ABLIM1: variants seen among roughly 807,000 people sequenced by gnomAD.
ABLIM1 encodes the protein actin-binding LIM protein 1.
ABLIM1 carries 40 observed loss-of-function variants against 107.0 expected under a neutral mutation model. That is an observed-to-expected ratio of 0.37 (90% CI 0.29 to 0.49). The LOEUF (loss-of-function observed/expected upper bound fraction) is 0.49. ABLIM1 is among the 20% of genes least tolerant of loss of function. ABLIM1 has a pLI of 0.97. For missense variants in ABLIM1, 857 were observed against 1,008.5 expected (o/e 0.85, Z 2.04); for synonymous variants, 357 against 357.3 (o/e 1.00, Z 0.01).
chr10:114,593,315 C>T (rs992342883), intron 2 of ABLIM1, among the ~76,000 whole-genome samples: 12 of 152,168 alleles, frequency 7.9e-5, no homozygotes, highest in African/African-American at 2.9e-4. Context: ...TTTTACCCTA[C>T]TTGCAAGCTA....
At chr10:114,706,223 G>A (rs1206048705) in intron 1 of ABLIM1, among the ~76,000 whole-genome samples, 2 of 152,144 alleles carry the variant, frequency 1.3e-5, no homozygotes, top group Non-Finnish European at 2.9e-5. Flanking sequence ...GCCAAGTGTT[G>A]GGAAAACTTT....
At chr10:114,696,459 C>G (rs1277659600) in intron 1 of ABLIM1, among the ~76,000 whole-genome samples, 1 of 152,082 alleles carries the variant, frequency 6.6e-6, no homozygotes, top group Non-Finnish European at 1.5e-5. Flanking sequence ...ATAAGGACAC[C>G]ATTTGATATG....
Position 114,747,381 on chromosome 10 carries a change from C to T in ABLIM1, c.-213+20680G>A, listed in dbSNP as rs975530542. Among the ~76,000 whole-genome samples the T allele has an allele frequency of 7.2e-5, 11 of 152,222 alleles. No homozygotes were observed. In the East Asian group the frequency reaches 1.9e-3, roughly 27 times the overall value. The stretch of plus-strand genomic sequence containing the variant: ...AGCCATGGCCAAGCTGTAGGAAGGT[C>T]GTATCTGCTGTGTGTGCCTGTCTCT... On this transcript the variant is annotated intron_variant, in intron 1 of 15. Transcript: ENST00000651092.
At chr10:114,680,275 T>G (rs569589236) in intron 1 of ABLIM1, among the ~76,000 whole-genome samples, 1 of 152,300 alleles carries the variant, frequency 6.6e-6, no homozygotes, top group East Asian at 1.9e-4. Context: ...TATCTCTATT[T>G]TACAGATGTG....
chr10:114,457,787 C>T (rs557415081), intron 12 of ABLIM1, among the ~76,000 whole-genome samples: 12 of 152,196 alleles, frequency 7.9e-5, no homozygotes, highest in African/African-American at 2.4e-4. Context: ...AATAATAGGC[C>T]GGGCATGGGC....
At chr10:114,756,895 G>T (rs932767537) in intron 1 of ABLIM1, among the ~76,000 whole-genome samples, 3 of 152,146 alleles carry the variant, frequency 2.0e-5, no homozygotes, top group African/African-American at 7.2e-5. Context: ...TGGACACGTT[G>T]TAGTGCAACT....
chr10:114,799,076 G>T, the ABLIM1 span, among the ~76,000 whole-genome samples: 1 of 152,084 alleles, frequency 6.6e-6, no homozygotes, highest in Non-Finnish European at 1.5e-5. Context: ...GGGATTACAC[G>T]CATGAGCCAC....
At chr10:114,528,353 A>T (rs771990083) in intron 6 of ABLIM1, among the ~76,000 whole-genome samples, 2 of 152,206 alleles carry the variant, frequency 1.3e-5, no homozygotes, top group Non-Finnish European at 2.9e-5. Context: ...GGAAATGAAA[A>T]GACCCTTTTA....
chr10:114,604,019 T>C (rs1039765628), intron 1 of ABLIM1, among the ~76,000 whole-genome samples: 1 of 152,188 alleles, frequency 6.6e-6, no homozygotes, highest in Non-Finnish European at 1.5e-5. Context: ...TTTTTTAAGT[T>C]AATTCCTGCT....
intron 1 of ABLIM1, among the ~76,000 whole-genome samples, chr10:114,740,394 C>A (rs1263640846): frequency 6.6e-6 from 1 of 151,946 alleles, no homozygotes; most frequent in African/African-American, 2.4e-5. Flanking sequence ...ACCTTCTCTT[C>A]GGGAATTTTT....
rs1459531444 is a variant in ABLIM1 at position 114,435,124 on chromosome 10, G to A, written c.*1136C>T. ...CACACCCATGAATTCGACAGAGCTG[G>A]GCAAGAAGAAAGCTGAAAAGGCCAA... is the stretch of plus-strand genomic sequence containing the variant. On this transcript the variant is annotated 3_prime_UTR_variant, in exon 23 of 23. Transcript: ENST00000533213. 1 of 152,156 alleles carries A rather than the reference G, an allele frequency of 6.6e-6. No homozygotes were observed. Among genetic ancestry groups the A allele is most frequent in the Non-Finnish European group, 1.5e-5 (1 of 68,022 alleles). The allele number at this position is 152,156 out of a possible 1,614,324, so 9.4% of individuals were successfully genotyped here.
chr10:114,655,608 C>G (rs984985959), intron 1 of ABLIM1, among the ~76,000 whole-genome samples: 8 of 152,098 alleles, frequency 5.3e-5, no homozygotes, highest in African/African-American at 1.9e-4. Flanking sequence ...ATTTTTTCCT[C>G]AATAAAGGGA....
intron 1 of ABLIM1, among the ~76,000 whole-genome samples, chr10:114,723,035 T>C (rs2081884020): frequency 2.0e-5 from 3 of 152,230 alleles, no homozygotes; most frequent in Admixed American, 2.0e-4. Flanking sequence ...CAGGAATTCC[T>C]TCCTGAGCTA....
chr10:114,797,328 T>C, the ABLIM1 span, among the ~76,000 whole-genome samples: 8 of 152,364 alleles, frequency 5.3e-5, no homozygotes, highest in East Asian at 1.9e-4. Flanking sequence ...TTATTTCTGA[T>C]TGATTTCAAA....
At chr10:114,571,669 T>C (rs953337065) in intron 3 of ABLIM1, among the ~76,000 whole-genome samples, 26 of 152,176 alleles carry the variant, frequency 1.7e-4, no homozygotes, top group African/African-American at 6.0e-4. Flanking sequence ...CATTCATTAG[T>C]GAAGGGATAT....
At chr10:114,680,715 CCT>C (rs778401498) in intron 1 of ABLIM1, among the ~76,000 whole-genome samples, 6 of 152,192 alleles carry the variant, frequency 3.9e-5, no homozygotes, top group Non-Finnish European at 7.3e-5. Flanking sequence ...ATGATGACAT[CCT>C]CTCACATCAT....
rs80080201 is a variant in ABLIM1, at chr10:114,632,794, C to T, written c.244+25163G>A. ...ACAAGCCCCTTGGATGTGCATATAC[C>T]AGGGAGGAACTCCAGTCACAATTAA... On this transcript the variant is annotated intron_variant, in intron 1 of 22. Transcript: ENST00000533213. The T allele has an allele frequency of 2.8e-4, 273 of 985,280 alleles. No homozygotes were observed. The African/African-American group carries it at 4.4e-3, about 16-fold the overall frequency. 61.0% of individuals were successfully genotyped at this position (985,280 alleles called of 1,614,324 possible).
At chr10:114,592,130 A>G (rs903355603) in intron 2 of ABLIM1, among the ~76,000 whole-genome samples, 2 of 152,338 alleles carry the variant, frequency 1.3e-5, no homozygotes, top group Non-Finnish European at 2.9e-5. Context: ...TAAACCATAC[A>G]TAACTTATAT....
At chr10:114,467,960 G>C (rs1305452781) in intron 11 of ABLIM1, among the ~76,000 whole-genome samples, 1 of 152,188 alleles carries the variant, frequency 6.6e-6, no homozygotes, top group Non-Finnish European at 1.5e-5. Flanking sequence ...AGATTAAAGT[G>C]AGGCCATTTT....
Sources: allele counts gnomAD v4.1 joint callset (sites outside exome capture counted in the v4.1 genomes callset), GRCh38; gene constraint gnomAD v4.1.1; transcripts MANE v1.5; gene names NCBI Gene and HGNC (gene_info 2026-07-23, HGNC 2026-07-21).